NTM: variants seen among roughly 807,000 people sequenced by gnomAD.
The protein encoded by NTM is IgLON family member 2.
In NTM, 13 loss-of-function variants were observed where a neutral mutation model predicts 42.1. That is an observed-to-expected ratio of 0.31 (90% CI 0.20 to 0.49). NTM has a LOEUF of 0.49. Among genes scored for constraint, NTM ranks in the 20% least tolerant of loss-of-function variants. The probability of loss-of-function intolerance (pLI) is 0.99; values close to 1 mark genes in which losing one functional copy is unlikely to be tolerated. For synonymous variants in NTM, 187 were observed against 179.2 expected, an observed-to-expected ratio of 1.04 and a Z score of -0.35; for missense variants, 373 against 452.8, an observed-to-expected ratio of 0.82 and a Z score of 1.60.
intron 1 of NTM, among the ~76,000 whole-genome samples, chr11:131,551,409 G>A (rs2054642072): frequency 6.7e-6 from 1 of 150,340 alleles, no homozygotes; most frequent in Admixed American, 6.6e-5. Context: ...GAAACACTGG[G>A]AGAGGTTCCT....
intron 4 of NTM, among the ~76,000 whole-genome samples, chr11:132,249,159 G>A (rs1482477564): frequency 6.6e-6 from 1 of 152,160 alleles, no homozygotes; most frequent in Non-Finnish European, 1.5e-5. Flanking sequence ...CTCTGAACTG[G>A]CATCAGCAAA....
At chr11:131,931,806 G>C (rs980155054) in intron 2 of NTM, among the ~76,000 whole-genome samples, 1 of 152,086 alleles carries the variant, frequency 6.6e-6, no homozygotes, top group Non-Finnish European at 1.5e-5. Context: ...GGGGAGAAGT[G>C]GTGGCGGGAA....
At chr11:132,294,075 C>G (rs2094537281) in intron 4 of NTM, among the ~76,000 whole-genome samples, 1 of 152,108 alleles carries the variant, frequency 6.6e-6, no homozygotes. Context: ...CCACAGGCAT[C>G]ATAGGAAAGC....
chr11:131,499,146 T>C (rs141178200), intron 1 of NTM, among the ~76,000 whole-genome samples: 1 of 152,330 alleles, frequency 6.6e-6, no homozygotes, highest in African/African-American at 2.4e-5. Context: ...CATAATTCGA[T>C]AGGAAAATGT....
At chr11:131,543,971 C>T (rs186697485) in intron 1 of NTM, among the ~76,000 whole-genome samples, 1 of 152,338 alleles carries the variant, frequency 6.6e-6, no homozygotes, top group East Asian at 1.9e-4. Context: ...GGTGGCCTCT[C>T]GTCTCTTCCC....
At position 131,677,600 on chromosome 11, in the gene NTM, C is replaced by T. The variant is rs79990623; in HGVS notation, c.83-233964C>T. ...CCCTCTGTGCCCACTTCCAAAGCCT[C>T]TGGTACCAGCAATGTCCATGGCTTA... On this transcript the variant is annotated intron_variant, in intron 1 of 8. Transcript: ENST00000683400. 4.7e-3 allele frequency among the ~76,000 whole-genome samples: 713 copies of T among 152,306 alleles called. 7 individuals carry two copies. The highest frequency in any genetic ancestry group is 0.016 in the African/African-American group (664 of 41,552).
intron 1 of NTM, chr11:131,671,552 C>T (rs917728055): frequency 2.3e-5 from 23 of 981,200 alleles, no homozygotes; most frequent in Non-Finnish European, 2.8e-5. Context: ...CAGGGCCTAC[C>T]GGTGGCTACC....
chr11:132,043,414 G>A (rs2077468658), intron 2 of NTM, among the ~76,000 whole-genome samples: 1 of 152,150 alleles, frequency 6.6e-6, no homozygotes, highest in African/African-American at 2.4e-5. Flanking sequence ...GATGAGGGAG[G>A]GTGCTTTCAG....
At chr11:132,296,482 C>T (rs775796092) in intron 4 of NTM, among the ~76,000 whole-genome samples, 1 of 152,188 alleles carries the variant, frequency 6.6e-6, no homozygotes, top group African/African-American at 2.4e-5. Context: ...ATATAATTTT[C>T]AGACCCAATA....
rs528127698 is a variant in NTM at position 131,805,659 on chromosome 11, G to A, written c.83-105905G>A. 2.6e-5 allele frequency among the ~76,000 whole-genome samples: 4 copies of A among 152,266 alleles called. No homozygotes were observed. In the South Asian group the frequency reaches 6.2e-4, roughly 24 times the overall value. ...TAAATGATCAATAATGTTAATTCAT[G>A]TTCTTTCTTCTTTAAGAGACTTAAC... On this transcript the variant is annotated intron_variant, in intron 1 of 8. Transcript: ENST00000683400.
At chr11:131,965,270 C>G (rs896400042) in intron 2 of NTM, among the ~76,000 whole-genome samples, 1 of 152,110 alleles carries the variant, frequency 6.6e-6, no homozygotes, top group Non-Finnish European at 1.5e-5. Context: ...ATCTGTAACC[C>G]TCCTCCAGTC....
chr11:131,691,461 C>G (rs1010857945), intron 1 of NTM, among the ~76,000 whole-genome samples: 1 of 152,222 alleles, frequency 6.6e-6, no homozygotes, highest in African/African-American at 2.4e-5. Context: ...AGCCGCGGGG[C>G]GTGGGCAGGC....
At chr11:131,614,113 G>A (rs2061695082) in intron 1 of NTM, among the ~76,000 whole-genome samples, 1 of 152,174 alleles carries the variant, frequency 6.6e-6, no homozygotes, top group South Asian at 2.1e-4. Context: ...TGAGATCTGG[G>A]GCGATGGGCT....
intron 1 of NTM, among the ~76,000 whole-genome samples, chr11:131,477,086 G>A (rs1953022516): frequency 6.6e-6 from 1 of 152,128 alleles, no homozygotes; most frequent in Non-Finnish European, 1.5e-5. Flanking sequence ...TGGGAGGGTA[G>A]CACAGCTTGG....
At chr11:132,096,614 C>G (rs578061039) in intron 2 of NTM, among the ~76,000 whole-genome samples, 3 of 152,320 alleles carry the variant, frequency 2.0e-5, no homozygotes, top group Non-Finnish European at 4.4e-5. Flanking sequence ...TCTGCAGTCT[C>G]AGACCCACCA....
At chr11:131,511,723 T>C (rs2048278708) in intron 1 of NTM, among the ~76,000 whole-genome samples, 1 of 152,202 alleles carries the variant, frequency 6.6e-6, no homozygotes, top group African/African-American at 2.4e-5. Flanking sequence ...GGCAGCTGCG[T>C]CCTCCACCTC....
At chr11:131,508,798 C>T (rs1255364501) in intron 1 of NTM, among the ~76,000 whole-genome samples, 1 of 149,668 alleles carries the variant, frequency 6.7e-6, no homozygotes, top group Non-Finnish European at 1.5e-5. Context: ...AAAAACCAAA[C>T]ACCGCATATT....
intron 1 of NTM, among the ~76,000 whole-genome samples, chr11:131,513,127 C>T (rs1262613204): frequency 3.3e-5 from 5 of 152,244 alleles, no homozygotes; most frequent in African/African-American, 1.2e-4. Flanking sequence ...CTGAGCTTCA[C>T]AACCTTCACT....
At chr11:132,325,254 T>A in intron 7 of NTM, among the ~76,000 whole-genome samples, 1 of 149,104 alleles carries the variant, frequency 6.7e-6, no homozygotes. Flanking sequence ...TGGGAGAAAA[T>A]TTTCGCAACC....
Sources: gnomAD v4.1 joint callset for allele counts (sites outside exome capture counted in the v4.1 genomes callset) on GRCh38, gnomAD v4.1.1 for gene constraint, MANE v1.5 for transcripts, NCBI Gene and HGNC (gene_info 2026-07-23, HGNC 2026-07-21) for gene names.